The following TBC1D19 variants were observed in gnomAD, a reference collection of about 807,000 sequenced individuals.
TBC1D19 encodes TBC1 domain family, member 19.
In TBC1D19, 60 loss-of-function variants were observed where a neutral mutation model predicts 89.0. The ratio of observed to expected loss-of-function variants is 0.67; its 90% CI spans 0.55 to 0.84. The LOEUF (loss-of-function observed/expected upper bound fraction) is 0.84, where lower values mean the gene tolerates loss of function less well. Among genes scored for constraint, TBC1D19 ranks in the 40% least tolerant of loss-of-function variants. The pLI, the probability that TBC1D19 is intolerant of heterozygous loss-of-function variation, is 0.00. For missense variants in TBC1D19, 500 were observed against 610.8 expected, an observed-to-expected ratio of 0.82 and a Z score of 1.91; for synonymous variants, 189 against 199.7, an observed-to-expected ratio of 0.95 and a Z score of 0.45.
At chr4:26,828,963 A>G in the TBC1D19 span, among the ~76,000 whole-genome samples, 1 of 152,238 alleles carries the variant, frequency 6.6e-6, no homozygotes. Context: ...GGACAAATCC[A>G]TTTAGTTTAT....
intron 7 of TBC1D19, among the ~76,000 whole-genome samples, chr4:26,656,047 T>C (rs1560450799): frequency 6.6e-6 from 1 of 152,296 alleles, no homozygotes; most frequent in South Asian, 2.1e-4. Flanking sequence ...TAGTTTTTTT[T>C]TCTCTCTAGA....
chr4:26,669,705 T>G (rs1294305154), intron 9 of TBC1D19, among the ~76,000 whole-genome samples: 1 of 151,836 alleles, frequency 6.6e-6, no homozygotes, highest in African/African-American at 2.4e-5. Context: ...TCTGCTTTTA[T>G]TAGAAAATGA....
intron 13 of TBC1D19, among the ~76,000 whole-genome samples, chr4:26,690,542 G>A (rs1360114730): frequency 6.6e-6 from 1 of 152,184 alleles, no homozygotes; most frequent in Non-Finnish European, 1.5e-5. Flanking sequence ...TTAGGTTGAA[G>A]CCAGTGCTCG....
chr4:26,669,394 G>C (rs1489756366), intron 9 of TBC1D19, among the ~76,000 whole-genome samples: 5 of 151,668 alleles, frequency 3.3e-5, no homozygotes, highest in Non-Finnish European at 4.4e-5. Flanking sequence ...TTTTAGCTTT[G>C]CATCTTCCAA....
chr4:26,740,936 A>G lies in TBC1D19; in HGVS notation c.1227+963A>G, dbSNP rs1413556683. 4.1e-6 allele frequency: 4 copies of G among 985,472 alleles called. No homozygotes were observed. The African/African-American group carries it at 5.2e-5, about 13-fold the overall frequency. The allele number at this position is 985,472 out of a possible 1,614,324, so 61.0% of individuals were successfully genotyped here. On this transcript the variant is annotated intron_variant, in intron 17 of 20. Transcript: ENST00000264866. Reference sequence around the variant, plus strand: ...AAATCACAGAATTCCAGGATGTTACAGATAAACAAATGAAGCAACACCAGT... The same window carrying G: ...AAATCACAGAATTCCAGGATGTTACGGATAAACAAATGAAGCAACACCAGT...
chr4:26,778,382 C>T, the TBC1D19 span, among the ~76,000 whole-genome samples: 62 of 146,268 alleles, frequency 4.2e-4, no homozygotes, highest in African/African-American at 1.4e-3. Flanking sequence ...TGCCACTGCA[C>T]TCCAGCCTGG....
At chr4:26,751,895 A>G (rs146517915) in intron 19 of TBC1D19, among the ~76,000 whole-genome samples, 4 of 152,328 alleles carry the variant, frequency 2.6e-5, no homozygotes, top group Non-Finnish European at 4.4e-5. Context: ...AGCAGAGCCA[A>G]TGATTTTTAG....
the TBC1D19 span, among the ~76,000 whole-genome samples, chr4:26,815,037 CAAAT>C: frequency 1.3e-5 from 2 of 151,378 alleles, no homozygotes; most frequent in Non-Finnish European, 1.5e-5. Context: ...AAAAAAAAAC[CAAAT>C]AAATAAAGTC....
the TBC1D19 span, among the ~76,000 whole-genome samples, chr4:26,764,348 C>T: frequency 6.6e-6 from 1 of 152,070 alleles, no homozygotes; most frequent in Non-Finnish European, 1.5e-5. Context: ...TCCTCTATTC[C>T]CTGAGCTTTA....
chr4:26,715,814 A>T (rs561670226), intron 13 of TBC1D19, among the ~76,000 whole-genome samples: 1 of 152,070 alleles, frequency 6.6e-6, no homozygotes, highest in Non-Finnish European at 1.5e-5. Flanking sequence ...CAGCTGCTAT[A>T]GTTAGTCCTT....
At chr4:26,627,035 C>G (rs1353986105) in intron 4 of TBC1D19, among the ~76,000 whole-genome samples, 1 of 151,838 alleles carries the variant, frequency 6.6e-6, no homozygotes, top group African/African-American at 2.4e-5. Context: ...ACTATCCCTC[C>G]CCCCTCCGCC....
the TBC1D19 span, among the ~76,000 whole-genome samples, chr4:26,825,977 G>A: frequency 5.9e-5 from 9 of 152,178 alleles, no homozygotes; most frequent in African/African-American, 9.7e-5. Context: ...TTAGGCGGGC[G>A]AATCATTTGA....
chr4:26,815,186 G>C, the TBC1D19 span, among the ~76,000 whole-genome samples: 1 of 152,212 alleles, frequency 6.6e-6, no homozygotes, highest in African/African-American at 2.4e-5. Flanking sequence ...ATAAGAAATT[G>C]TGGCTTTGGC....
intron 1 of TBC1D19, among the ~76,000 whole-genome samples, chr4:26,585,801 T>A (rs1457037353): frequency 2.0e-5 from 3 of 152,110 alleles, no homozygotes; most frequent in Non-Finnish European, 4.4e-5. Context: ...GCCAGGCTGG[T>A]CTTGAACTCC....
chr4:26,643,241 T>G (rs1416172327), intron 7 of TBC1D19, among the ~76,000 whole-genome samples: 1 of 152,182 alleles, frequency 6.6e-6, no homozygotes, highest in African/African-American at 2.4e-5. Context: ...CAGACCACAG[T>G]GCAATCAAAT....
At chr4:26,825,864 G>C in the TBC1D19 span, among the ~76,000 whole-genome samples, 22 of 152,212 alleles carry the variant, frequency 1.4e-4, no homozygotes, top group African/African-American at 5.1e-4. Context: ...CCTGGTCCAA[G>C]TTAAGCCTGC....
chr4:26,674,688 A>G (rs987559344), intron 11 of TBC1D19, among the ~76,000 whole-genome samples: 1 of 152,072 alleles, frequency 6.6e-6, no homozygotes, highest in Non-Finnish European at 1.5e-5. Context: ...ACACTTAAAT[A>G]TAGGTAATAA....
At chr4:26,733,757 G>A (rs1717804519) in intron 15 of TBC1D19, among the ~76,000 whole-genome samples, 1 of 152,146 alleles carries the variant, frequency 6.6e-6, no homozygotes, top group Admixed American at 6.5e-5. Flanking sequence ...TCTCTAACTG[G>A]AGTGGTTCAC....
the TBC1D19 span, among the ~76,000 whole-genome samples, chr4:26,838,200 T>G: frequency 4.6e-5 from 7 of 152,292 alleles, no homozygotes; most frequent in East Asian, 1.3e-3. Flanking sequence ...CAACTTCCGA[T>G]ACCACCTGCA....
Sources: allele counts gnomAD v4.1 joint callset (sites outside exome capture counted in the v4.1 genomes callset), GRCh38; gene constraint gnomAD v4.1.1; transcripts MANE v1.5; gene names NCBI Gene and HGNC (gene_info 2026-07-23, HGNC 2026-07-21).